Variants in RGS7 observed in about 807,000 individuals in gnomAD.
The protein encoded by RGS7 is regulator of G protein signaling 7.
In RGS7, 27 loss-of-function variants were observed where a neutral mutation model predicts 81.1. The ratio of observed to expected loss-of-function variants is 0.33; its 90% CI spans 0.25 to 0.46. RGS7 has a LOEUF of 0.46. RGS7 is among the 20% of genes least tolerant of loss of function. The pLI is 1.00. For synonymous variants in RGS7, 208 were observed against 207.7 expected (o/e 1.00, Z -0.01); for missense variants, 396 against 607.4 (o/e 0.65, Z 3.66).
chr1:241,240,014 G>T (rs1169141621), intron 2 of RGS7, among the ~76,000 whole-genome samples: 3 of 152,282 alleles, frequency 2.0e-5, no homozygotes, highest in African/African-American at 7.2e-5. Context: ...TGAGGAGTCA[G>T]ATAGACATTA....
At chr1:240,965,092 C>G (rs191273534) in intron 4 of RGS7, among the ~76,000 whole-genome samples, 6 of 152,288 alleles carry the variant, frequency 3.9e-5, no homozygotes, top group Admixed American at 3.9e-4. Context: ...GAACTGTACT[C>G]TTTACCTTTG....
At chr1:241,103,250 T>C (rs1175945949) in intron 2 of RGS7, among the ~76,000 whole-genome samples, 1 of 152,278 alleles carries the variant, frequency 6.6e-6, no homozygotes, top group Admixed American at 6.5e-5. Flanking sequence ...TATATGCACA[T>C]GCATATATTC....
At chr1:240,879,904 G>T (rs532994315) in intron 6 of RGS7, among the ~76,000 whole-genome samples, 13 of 152,264 alleles carry the variant, frequency 8.5e-5, no homozygotes, top group Non-Finnish European at 1.5e-4. Context: ...ATTCTGCAGG[G>T]CATGCAGAGA....
At chr1:240,930,889 T>G (rs1453855167) in intron 5 of RGS7, 121 bp from the exon 6 acceptor site, 7 of 986,064 alleles carry the variant, frequency 7.1e-6, no homozygotes, top group Non-Finnish European at 9.6e-6. Flanking sequence ...TGTTTTATAA[T>G]ACAGAACATG....
At chr1:241,125,873 T>C (rs1333579569) in intron 2 of RGS7, among the ~76,000 whole-genome samples, 2 of 152,146 alleles carry the variant, frequency 1.3e-5, no homozygotes, top group Non-Finnish European at 2.9e-5. Flanking sequence ...CTTTCAGACA[T>C]TATTTCAGTA....
intron 2 of RGS7, among the ~76,000 whole-genome samples, chr1:241,154,463 A>T (rs900631546): frequency 6.6e-6 from 1 of 152,188 alleles, no homozygotes; most frequent in Admixed American, 6.5e-5. Context: ...TAGCAGCTGG[A>T]GGAGGACCCC....
intron 3 of RGS7, among the ~76,000 whole-genome samples, chr1:241,097,048 G>A (rs745725999): frequency 6.6e-6 from 1 of 152,030 alleles, no homozygotes; most frequent in Non-Finnish European, 1.5e-5. Context: ...GGAGCTTAAG[G>A]TTTAGCTAGG....
intron 2 of RGS7, among the ~76,000 whole-genome samples, chr1:241,338,694 A>G (rs1157324297): frequency 1.4e-5 from 2 of 146,452 alleles, no homozygotes; most frequent in Non-Finnish European, 3.0e-5. Flanking sequence ...AAGTTGTTAT[A>G]AGAGATAATA....
At chr1:241,068,238 G>GTGTATATATATATA in intron 3 of RGS7, among the ~76,000 whole-genome samples, 1 of 35,676 alleles carries the variant, frequency 2.8e-5, no homozygotes, top group African/African-American at 9.5e-5. Context: ...GTGTGTGTGT[G>GTGTATATATATATA]TATATATATA....
chr1:241,305,867 G>C, intron 2 of RGS7: 1 of 303,880 alleles, frequency 3.3e-6, no homozygotes, highest in Non-Finnish European at 6.6e-6. Context: ...GAGGCCCACG[G>C]CCATGGGGTA....
At chr1:241,312,300 T>C (rs921027895) in intron 2 of RGS7, among the ~76,000 whole-genome samples, 1 of 152,190 alleles carries the variant, frequency 6.6e-6, no homozygotes, top group African/African-American at 2.4e-5. Context: ...CTACAAACAA[T>C]GGCACATTGA....
At chr1:241,148,437 C>A (rs1330387119) in intron 2 of RGS7, among the ~76,000 whole-genome samples, 1 of 152,114 alleles carries the variant, frequency 6.6e-6, no homozygotes, top group Non-Finnish European at 1.5e-5. Context: ...AAGTTAGAAA[C>A]CCTTTTGTTT....
intron 2 of RGS7, among the ~76,000 whole-genome samples, chr1:241,120,209 C>A (rs1053277390): frequency 1.3e-5 from 2 of 152,192 alleles, no homozygotes; most frequent in Non-Finnish European, 2.9e-5. Context: ...GCATTGCCTG[C>A]CTACCTGGTT....
At chr1:240,848,999 C>T (rs934101382) in intron 9 of RGS7, among the ~76,000 whole-genome samples, 3 of 152,136 alleles carry the variant, frequency 2.0e-5, no homozygotes, top group Non-Finnish European at 2.9e-5. Context: ...CCAGATGATG[C>T]CTTTTAACCA....
At chr1:241,161,884 AT>A (rs2069719988) in intron 2 of RGS7, among the ~76,000 whole-genome samples, 1 of 151,798 alleles carries the variant, frequency 6.6e-6, no homozygotes, top group Admixed American at 6.6e-5. Context: ...CGCCTGGCTA[AT>A]TTTTGTATTT....
chr1:240,945,336 T>C (rs1173674893), intron 4 of RGS7, among the ~76,000 whole-genome samples: 2 of 152,238 alleles, frequency 1.3e-5, no homozygotes, highest in Admixed American at 1.3e-4. Context: ...TATAGAGTTT[T>C]TGTACACAGA....
At chr1:241,244,857 C>T (rs1471130919) in intron 2 of RGS7, among the ~76,000 whole-genome samples, 1 of 149,366 alleles carries the variant, frequency 6.7e-6, no homozygotes, top group African/African-American at 2.5e-5. Context: ...ATCGCAAGGA[C>T]AAAAAAACCA....
chr1:240,929,149 G>T (rs1435043331), intron 6 of RGS7, among the ~76,000 whole-genome samples: 1 of 152,174 alleles, frequency 6.6e-6, no homozygotes, highest in Non-Finnish European at 1.5e-5. Context: ...TTGGTATGTG[G>T]TTATGACAGT....
chr1:241,033,755 C>G (rs181500084), intron 3 of RGS7, among the ~76,000 whole-genome samples: 18 of 152,200 alleles, frequency 1.2e-4, no homozygotes, highest in African/African-American at 3.9e-4. Flanking sequence ...TTCACAATAT[C>G]CAAACCTTTG....
Sources: gnomAD v4.1 joint callset for allele counts (sites outside exome capture counted in the v4.1 genomes callset) on GRCh38, gnomAD v4.1.1 for gene constraint, MANE v1.5 for transcripts, NCBI Gene and HGNC (gene_info 2026-07-23, HGNC 2026-07-21) for gene names.